SLC9C1: variants seen among roughly 807,000 people sequenced by gnomAD.
The protein encoded by SLC9C1 is sodium/hydrogen exchanger 10.
Under a neutral mutation model 140.9 loss-of-function variants are expected in SLC9C1, and 97 were observed. The observed-to-expected ratio is 0.69, with a 90% CI of 0.58 to 0.82. The LOEUF (loss-of-function observed/expected upper bound fraction) is 0.82. Among genes scored for constraint, SLC9C1 ranks in the 40% least tolerant of loss-of-function variants. The probability of loss-of-function intolerance (pLI) is 0.00; values close to 1 mark genes in which losing one functional copy is unlikely to be tolerated. For synonymous variants in SLC9C1, 440 were observed against 442.6 expected, an observed-to-expected ratio of 0.99 and a Z score of 0.07; for missense variants, 1,340 against 1,389.3, an observed-to-expected ratio of 0.96 and a Z score of 0.56.
intron 1 of SLC9C1, among the ~76,000 whole-genome samples, chr3:112,291,873 C>T (rs1035532486): frequency 1.3e-5 from 2 of 152,180 alleles, no homozygotes; most frequent in African/African-American, 2.4e-5. Flanking sequence ...AACCCAAATG[C>T]CCATCAATGG....
intron 2 of SLC9C1, among the ~76,000 whole-genome samples, chr3:112,285,887 T>G (rs1369928725): frequency 6.6e-6 from 1 of 152,162 alleles, no homozygotes; most frequent in Non-Finnish European, 1.5e-5. Flanking sequence ...TACCTCAGCC[T>G]CCTGAGTAGG....
chr3:112,218,269 G>A (rs1423214339), intron 14 of SLC9C1, among the ~76,000 whole-genome samples: 2 of 150,876 alleles, frequency 1.3e-5, no homozygotes, highest in Non-Finnish European at 2.9e-5. Flanking sequence ...GAATTTACCT[G>A]CTGCTGACCA....
intron 2 of SLC9C1, among the ~76,000 whole-genome samples, chr3:112,281,713 G>A (rs904959550): frequency 6.6e-6 from 1 of 152,206 alleles, no homozygotes; most frequent in African/African-American, 2.4e-5. Context: ...TAAGGATCTA[G>A]TCTGAAGCAT....
At chr3:112,279,020 T>A in intron 3 of SLC9C1, 163 bp from the exon 4 acceptor site, 1 of 590,438 alleles carries the variant, frequency 1.7e-6, no homozygotes, top group Non-Finnish European at 2.7e-6. Flanking sequence ...TACAAATAAT[T>A]GGCCATGGCT....
At chr3:112,237,556 G>T (rs1410826970) in intron 12 of SLC9C1, among the ~76,000 whole-genome samples, 1 of 152,148 alleles carries the variant, frequency 6.6e-6, no homozygotes, top group Non-Finnish European at 1.5e-5. Flanking sequence ...TAGCATCGAT[G>T]GTCTTTACAA....
At chr3:112,198,078 T>G (rs983626329) in intron 20 of SLC9C1, among the ~76,000 whole-genome samples, 3 of 152,086 alleles carry the variant, frequency 2.0e-5, no homozygotes, top group African/African-American at 7.2e-5. Flanking sequence ...TATAAAATAT[T>G]TACTATATTT....
intron 13 of SLC9C1, among the ~76,000 whole-genome samples, chr3:112,222,472 T>C (rs895205427): frequency 1.3e-5 from 2 of 152,042 alleles, no homozygotes; most frequent in Admixed American, 1.3e-4. Flanking sequence ...ATGATCAAAA[T>C]ATAATAGTAG....
chr3:112,161,043 T>C (rs1223647348), intron 26 of SLC9C1, among the ~76,000 whole-genome samples: 116 of 152,370 alleles, frequency 7.6e-4, no homozygotes, highest in African/African-American at 2.6e-3. Context: ...TTTTTTCATG[T>C]GTTTTTTGGC....
chr3:112,252,140 G>T (rs931672682), intron 10 of SLC9C1, among the ~76,000 whole-genome samples: 3 of 150,384 alleles, frequency 2.0e-5, no homozygotes, highest in African/African-American at 7.3e-5. Flanking sequence ...GGGAGGGATG[G>T]GCCACCATCT....
chr3:112,153,555 C>T lies in SLC9C1; in HGVS notation c.3417+1442G>A, dbSNP rs190056590. ...TAGAGAATATGAGAAGAGTCAAAGACGTTTGGAGAAATAGTTTCCTGTATT... is the reference window on the plus strand; with the variant it reads ...TAGAGAATATGAGAAGAGTCAAAGATGTTTGGAGAAATAGTTTCCTGTATT... On this transcript the variant is annotated intron_variant, in intron 27 of 28. Transcript: ENST00000305815. Among the ~76,000 whole-genome samples the T allele has an allele frequency of 6.6e-5, 10 of 152,174 alleles. 2 individuals carry two copies. The highest frequency in any genetic ancestry group is 5.2e-4 in the Admixed American group (8 of 15,286).
chr3:112,190,586 C>CA (rs1474348581), intron 20 of SLC9C1, among the ~76,000 whole-genome samples: 8 of 151,782 alleles, frequency 5.3e-5, no homozygotes, highest in South Asian at 2.1e-4. Context: ...ATTTAATTGG[C>CA]AAAAAAATTG....
chr3:112,204,447 T>C, intron 16 of SLC9C1, 44 bp from the exon 17 acceptor site: 1 of 1,521,398 alleles, frequency 6.6e-7, no homozygotes, highest in Non-Finnish European at 8.8e-7. Flanking sequence ...TTGTTTCTGC[T>C]TTTACTACAC....
At chr3:112,147,943 C>G (rs901856859) in intron 28 of SLC9C1, among the ~76,000 whole-genome samples, 2 of 152,200 alleles carry the variant, frequency 1.3e-5, no homozygotes, top group Non-Finnish European at 2.9e-5. Flanking sequence ...CCATATTTCT[C>G]AAAGACTTTG....
At chr3:112,240,724 A>G (rs1220690531) in intron 11 of SLC9C1, among the ~76,000 whole-genome samples, 1 of 152,338 alleles carries the variant, frequency 6.6e-6, no homozygotes, top group East Asian at 1.9e-4. Context: ...TTAAGCACAT[A>G]TGATAAATTA....
At chr3:112,232,838 G>C (rs2078864564) in intron 12 of SLC9C1, among the ~76,000 whole-genome samples, 4 of 151,896 alleles carry the variant, frequency 2.6e-5, no homozygotes, top group Admixed American at 2.6e-4. Context: ...GCATATCTCA[G>C]AAGCAGAAGG....
chr3:112,221,598 T>A (rs1010060957), intron 13 of SLC9C1, among the ~76,000 whole-genome samples: 3 of 152,154 alleles, frequency 2.0e-5, no homozygotes, highest in Admixed American at 2.0e-4. Flanking sequence ...ACTATACATC[T>A]TTATTTAATT....
At chr3:112,269,161 G>A (rs1255010529) in intron 7 of SLC9C1, among the ~76,000 whole-genome samples, 4 of 152,096 alleles carry the variant, frequency 2.6e-5, no homozygotes, top group South Asian at 2.1e-4. Context: ...TTTGTTGCCC[G>A]GGCTGGAGTG....
At chr3:112,288,885 A>G (rs1331439493) in intron 1 of SLC9C1, among the ~76,000 whole-genome samples, 5 of 152,086 alleles carry the variant, frequency 3.3e-5, no homozygotes, top group African/African-American at 9.7e-5. Flanking sequence ...TCAAATCTGT[A>G]TAATTTTCTA....
intron 9 of SLC9C1, 87 bp from the exon 10 acceptor site, chr3:112,263,185 T>G: frequency 8.9e-7 from 1 of 1,128,510 alleles, no homozygotes; most frequent in Non-Finnish European, 1.2e-6. Context: ...CTACTCCCTG[T>G]AGAATTCCTA....
Sources: allele counts gnomAD v4.1 joint callset (sites outside exome capture counted in the v4.1 genomes callset), GRCh38; gene constraint gnomAD v4.1.1; transcripts MANE v1.5; gene names NCBI Gene and HGNC (gene_info 2026-07-23, HGNC 2026-07-21).